The following KAZN variants were observed in gnomAD, a reference collection of about 807,000 sequenced individuals.
The protein encoded by KAZN is kazrin, periplakin interacting protein.
Under a neutral mutation model 87.4 loss-of-function variants are expected in KAZN, and 40 were observed. The observed-to-expected ratio is 0.46, with a 90% confidence interval of 0.36 to 0.60. The LOEUF is 0.60. Among genes scored for constraint, KAZN ranks in the 20% least tolerant of loss-of-function variants. KAZN has a pLI of 0.00. For synonymous variants in KAZN, 466 were observed against 458.3 expected, an observed-to-expected ratio of 1.02 and a Z score of -0.22; for missense variants, 898 against 1,073.9, an observed-to-expected ratio of 0.84 and a Z score of 2.29.
At chr1:14,107,650 T>G (rs561125394) in intron 1 of KAZN, among the ~76,000 whole-genome samples, 1 of 152,286 alleles carries the variant, frequency 6.6e-6, no homozygotes, top group South Asian at 2.1e-4. Context: ...GAGTGTGAGA[T>G]GTAGGGATGA....
chr1:14,048,163 T>C (rs1022349648), intron 1 of KAZN, among the ~76,000 whole-genome samples: 2 of 152,184 alleles, frequency 1.3e-5, no homozygotes, highest in African/African-American at 4.8e-5. Context: ...TTTTGAGAAT[T>C]AAATGGCATC....
At chr1:15,037,409 T>C (rs1672447556) in intron 3 of KAZN, among the ~76,000 whole-genome samples, 1 of 152,094 alleles carries the variant, frequency 6.6e-6, no homozygotes, top group South Asian at 2.1e-4. Flanking sequence ...TAGGTTAGCA[T>C]CTCACCTCTG....
intron 2 of KAZN, among the ~76,000 whole-genome samples, chr1:14,467,467 T>C (rs1454053074): frequency 1.3e-5 from 2 of 151,912 alleles, no homozygotes; most frequent in Non-Finnish European, 2.9e-5. Context: ...ATGGCAGATG[T>C]CAATTATATC....
At chr1:14,323,995 A>G (rs1045697138) in intron 2 of KAZN, among the ~76,000 whole-genome samples, 2 of 152,250 alleles carry the variant, frequency 1.3e-5, no homozygotes, top group African/African-American at 4.8e-5. Context: ...CAAACTGGCC[A>G]ACTCTTTTCT....
intron 1 of KAZN, among the ~76,000 whole-genome samples, chr1:14,125,872 G>A (rs1644853609): frequency 6.7e-6 from 1 of 149,852 alleles, no homozygotes; most frequent in Non-Finnish European, 1.5e-5. Flanking sequence ...TTAGATTCAG[G>A]CAACAAAGAT....
chr1:15,003,887 C>G (rs1330417535), intron 2 of KAZN, among the ~76,000 whole-genome samples: 1 of 152,176 alleles, frequency 6.6e-6, no homozygotes, highest in East Asian at 1.9e-4. Context: ...CTCACAGTGT[C>G]CCCTGCCCAC....
intron 2 of KAZN, among the ~76,000 whole-genome samples, chr1:14,483,377 A>G (rs1240598321): frequency 6.6e-6 from 1 of 152,206 alleles, no homozygotes; most frequent in Non-Finnish European, 1.5e-5. Flanking sequence ...AAAGTGAGGG[A>G]CTTACAGCAT....
At chr1:13,966,195 C>T (rs572492025) in intron 1 of KAZN, among the ~76,000 whole-genome samples, 4,793 of 101,202 alleles carry the variant, frequency 0.047, 239 homozygotes, top group African/African-American at 0.15. Context: ...CTCCCTCCTA[C>T]TCCTTCCCTC....
At chr1:14,935,415 A>G (rs1172249221) in intron 1 of KAZN, among the ~76,000 whole-genome samples, 1 of 135,640 alleles carries the variant, frequency 7.4e-6, no homozygotes, top group East Asian at 2.5e-4. Context: ...CCCCAGCCCC[A>G]TCCCCCAGAA....
intron 1 of KAZN, among the ~76,000 whole-genome samples, chr1:13,912,572 G>A (rs1639691711): frequency 6.6e-6 from 1 of 152,112 alleles, no homozygotes; most frequent in Non-Finnish European, 1.5e-5. Context: ...TGTTGACTGA[G>A]TTTCTATATC....
intron 1 of KAZN, among the ~76,000 whole-genome samples, chr1:14,108,914 G>T (rs1644438539): frequency 6.6e-6 from 1 of 152,082 alleles, no homozygotes; most frequent in African/African-American, 2.4e-5. Flanking sequence ...ATCATGGCTG[G>T]GTCTGTGCTG....
At chr1:14,461,526 T>C (rs12095354) in intron 2 of KAZN, among the ~76,000 whole-genome samples, 4,762 of 152,280 alleles carry the variant, frequency 0.031, 274 homozygotes, top group African/African-American at 0.11. Context: ...CCTTTTTTTC[T>C]TTATAAATTA....
At chr1:14,402,942 C>T (rs139663065) in intron 2 of KAZN, among the ~76,000 whole-genome samples, 1,761 of 152,172 alleles carry the variant, frequency 0.012, 22 homozygotes, top group Non-Finnish European at 0.018. Flanking sequence ...ATTCTCATGC[C>T]TCAGACTCCC....
chr1:14,427,716 T>C (rs553480543), intron 2 of KAZN, among the ~76,000 whole-genome samples: 8 of 152,294 alleles, frequency 5.3e-5, no homozygotes, highest in African/African-American at 1.4e-4. Context: ...TTAAGGAGAA[T>C]GTGGTTGGGT....
intron 2 of KAZN, among the ~76,000 whole-genome samples, chr1:14,385,876 TTC>T (rs1661834472): frequency 1.4e-5 from 2 of 148,084 alleles, no homozygotes; most frequent in South Asian, 2.3e-4. Flanking sequence ...CTTGTTGACT[TTC>T]TGTCTCGTTG....
chr1:14,539,324 T>C (rs1409847939), intron 2 of KAZN, among the ~76,000 whole-genome samples: 1 of 152,238 alleles, frequency 6.6e-6, no homozygotes, highest in African/African-American at 2.4e-5. Flanking sequence ...TGAGAATGAC[T>C]GCAAAATGTA....
chr1:15,102,737 A>G (rs491203), intron 11 of KAZN, among the ~76,000 whole-genome samples: 146,519 of 152,308 alleles, frequency 0.96, 70,528 homozygotes, highest in East Asian at 1. Context: ...CGGTGGCGAG[A>G]TGGTGAGAGA....
At chr1:14,506,361 A>G (rs1024462398) in intron 2 of KAZN, among the ~76,000 whole-genome samples, 3 of 152,214 alleles carry the variant, frequency 2.0e-5, no homozygotes, top group Admixed American at 1.3e-4. Flanking sequence ...CTATAGCAGT[A>G]TATATGTCAT....
At chr1:14,016,658 C>T (rs1354633803) in intron 1 of KAZN, among the ~76,000 whole-genome samples, 3 of 152,022 alleles carry the variant, frequency 2.0e-5, no homozygotes, top group African/African-American at 7.3e-5. Flanking sequence ...AAGCTGCTCC[C>T]CAAATAGATT....
Sources: allele counts gnomAD v4.1 joint callset (sites outside exome capture counted in the v4.1 genomes callset), GRCh38; gene constraint gnomAD v4.1.1; transcripts MANE v1.5; gene names NCBI Gene and HGNC (gene_info 2026-07-23, HGNC 2026-07-21).